NEMP2: variants seen among roughly 807,000 people sequenced by gnomAD.
NEMP2 encodes UPF0571 transmembrane protein.
A neutral mutation model predicts 54.2 loss-of-function variants in NEMP2; 53 were observed. That is an observed-to-expected ratio of 0.98 (90% confidence interval 0.78 to 1.23). The LOEUF is 1.23. Ranked by LOEUF, NEMP2 falls within the 50% of genes most tolerant of loss-of-function variation. The pLI is 0.00. For synonymous variants in NEMP2, 197 were observed against 190.3 expected (o/e 1.04, Z -0.29); for missense variants, 455 against 511.3 (o/e 0.89, Z 1.06).
chr2:190,620,527 A>C, the NEMP2 span: 1 of 152,220 alleles, frequency 6.6e-6, no homozygotes, highest in Non-Finnish European at 1.5e-5. This position sits in a 1 kb window ranked among gnomAD's most constrained non-coding sequence, Gnocchi z 4.9. Flanking sequence ...AAAGGACATA[A>C]AATCCCAAAT....
the NEMP2 span, among the ~76,000 whole-genome samples, chr2:190,646,114 T>C: frequency 2.7e-4 from 41 of 152,252 alleles, no homozygotes; most frequent in Admixed American, 6.5e-5. Flanking sequence ...AACTATTGCA[T>C]GGACGTTTAA....
At chr2:190,597,163 C>T in the NEMP2 span, among the ~76,000 whole-genome samples, 1 of 151,014 alleles carries the variant, frequency 6.6e-6, no homozygotes, top group East Asian at 2.0e-4. The surrounding 1 kb of genome is among the most constrained non-coding windows in gnomAD (Gnocchi z 4.7). Context: ...ACTGAGCAGG[C>T]TGAAGTAAGA....
At chr2:190,439,722 G>A in the NEMP2 span, among the ~76,000 whole-genome samples, 1 of 152,188 alleles carries the variant, frequency 6.6e-6, no homozygotes, top group African/African-American at 2.4e-5. This position sits in a 1 kb window ranked among gnomAD's most constrained non-coding sequence, Gnocchi z 5.8. Context: ...GAAGATGGCT[G>A]TTATGGTCAT....
At chr2:190,535,737 GT>G (rs1292069437), upstream of NEMP2, 2 of 152,212 alleles carry the variant, frequency 1.3e-5, no homozygotes, top group Non-Finnish European at 2.9e-5. Context: ...TGTACACCAT[GT>G]ATGGCTTTTA....
chr2:190,644,003 G>A, the NEMP2 span, among the ~76,000 whole-genome samples: 1 of 152,162 alleles, frequency 6.6e-6, no homozygotes. The surrounding 1 kb of genome is among the most constrained non-coding windows in gnomAD (Gnocchi z 4.4). Flanking sequence ...TCAAGGAAAT[G>A]TATTTAAAAG....
chr2:190,502,261 T>A (rs927627559), downstream of NEMP2: 4 of 152,176 alleles, frequency 2.6e-5, no homozygotes, highest in African/African-American at 9.7e-5. The surrounding 1 kb of genome is among the most constrained non-coding windows in gnomAD (Gnocchi z 4.4). Flanking sequence ...TTTCTTCCTG[T>A]CCCCAAAGTG....
the NEMP2 span, among the ~76,000 whole-genome samples, chr2:190,453,877 A>C: frequency 6.6e-6 from 1 of 152,198 alleles, no homozygotes; most frequent in Non-Finnish European, 1.5e-5. Context: ...CTTGACCAGC[A>C]AACAAATCAA....
At chr2:190,431,601 A>G in the NEMP2 span, among the ~76,000 whole-genome samples, 6 of 152,208 alleles carry the variant, frequency 3.9e-5, no homozygotes, top group East Asian at 1.9e-4. The surrounding 1 kb of genome is among the most constrained non-coding windows in gnomAD (Gnocchi z 4.4). Flanking sequence ...GGCACTTGGC[A>G]GGCTGAGGCA....
At chr2:190,536,974 T>C (rs1691397272), upstream of NEMP2, among the ~76,000 whole-genome samples, 1 of 152,144 alleles carries the variant, frequency 6.6e-6, no homozygotes, top group South Asian at 2.1e-4. Context: ...GTGATATCCA[T>C]CATTTGATCA....
At chr2:190,488,766 T>C in the NEMP2 span, 4 of 1,609,144 alleles carry the variant, frequency 2.5e-6, no homozygotes, top group African/African-American at 5.4e-5. The surrounding 1 kb of genome is among the most constrained non-coding windows in gnomAD (Gnocchi z 6.4). Context: ...TTCACCTGGG[T>C]TTGGGAAGAG....
the NEMP2 span, chr2:190,608,932 A>G: frequency 1.5e-4 from 23 of 152,224 alleles, no homozygotes; most frequent in African/African-American, 5.3e-4. The surrounding 1 kb of genome is among the most constrained non-coding windows in gnomAD (Gnocchi z 4.9). Flanking sequence ...AGGGTCTGGT[A>G]CTATCTGCAG....
the NEMP2 span, among the ~76,000 whole-genome samples, chr2:190,447,585 C>T: frequency 3.7e-4 from 57 of 152,268 alleles, no homozygotes; most frequent in Non-Finnish European, 6.8e-4. This position sits in a 1 kb window ranked among gnomAD's most constrained non-coding sequence, Gnocchi z 4.5. Flanking sequence ...CTTAGTGCCA[C>T]GTTTTAGGCA....
the NEMP2 span, among the ~76,000 whole-genome samples, chr2:190,575,602 G>A: frequency 6.6e-6 from 1 of 152,120 alleles, no homozygotes; most frequent in African/African-American, 2.4e-5. Flanking sequence ...GATATTGCTT[G>A]AAGGAAAGGT....
At chr2:190,470,476 C>G in the NEMP2 span, among the ~76,000 whole-genome samples, 1 of 152,142 alleles carries the variant, frequency 6.6e-6, no homozygotes, top group Admixed American at 6.5e-5. Context: ...GATTACTATT[C>G]AAAGCTCATT....
At position 190,510,430 on chromosome 2, in the gene NEMP2, A is replaced by G; in HGVS notation, c.1061T>C (p.Leu354Pro). The G allele has an allele frequency of 6.4e-7, 1 of 1,551,768 alleles. No individual in the cohort carries two copies. Among genetic ancestry groups the G allele is most frequent in the African/African-American group, 1.4e-5 (1 of 73,172 alleles). Residue 354 changes from leucine (L) to proline (P), a missense_variant, in exon 8 of 9, where the codon CTA (leucine) becomes CCA (proline). Transcript: ENST00000409150. The surrounding 1 kb of genome is among the most constrained non-coding windows in gnomAD (Gnocchi z 5.7). Reference sequence around the variant, plus strand: ...GTCGGGTTTTCGGCAGGCCCGGCGTAGCTCCTCCAGAGCACTGTTCGTTTC... The same window carrying G: ...GTCGGGTTTTCGGCAGGCCCGGCGTGGCTCCTCCAGAGCACTGTTCGTTTC... ...DAETNSALEE[L>P]RRACRKPDFP...
At chr2:190,552,351 G>A in the NEMP2 span, among the ~76,000 whole-genome samples, 1 of 152,088 alleles carries the variant, frequency 6.6e-6, no homozygotes, top group Non-Finnish European at 1.5e-5. Flanking sequence ...TTGTTAAGTA[G>A]TTACTCTGTT....
the NEMP2 span, among the ~76,000 whole-genome samples, chr2:190,581,599 T>C: frequency 3.9e-5 from 6 of 152,216 alleles, no homozygotes; most frequent in African/African-American, 1.2e-4. Flanking sequence ...CAAATTATAT[T>C]TCTTTTCTTA....
In NEMP2 at chr2:190,530,046, C is replaced by T. The variant is rs1490894533; in HGVS notation, c.97+4513G>A. The stretch of plus-strand genomic sequence containing the variant: ...AGAGGAGGTCAGAAAGAATAGGTGG[C>T]ATTAAGCTTCTTTTGTTTGACTCAT... On this transcript the variant is annotated intron_variant, in intron 1 of 8. Coordinates refer to ENST00000409150, the MANE Select transcript of NEMP2 (RefSeq NM_001142645.2). This position sits in a 1 kb window ranked among gnomAD's most constrained non-coding sequence, Gnocchi z 4.6. Among the ~76,000 whole-genome samples, 1 of 152,192 alleles carries T rather than the reference C, an allele frequency of 6.6e-6. No homozygotes were observed. Among genetic ancestry groups the T allele is most frequent in the Non-Finnish European group, 1.5e-5 (1 of 68,030 alleles).
At chr2:190,578,283 G>A in the NEMP2 span, among the ~76,000 whole-genome samples, 3 of 151,818 alleles carry the variant, frequency 2.0e-5, no homozygotes, top group Non-Finnish European at 4.4e-5. This position sits in a 1 kb window ranked among gnomAD's most constrained non-coding sequence, Gnocchi z 4.4. Flanking sequence ...AATTTAAGGA[G>A]GGAAAACAAG....
Sources: gnomAD v4.1 joint callset for allele counts (sites outside exome capture counted in the v4.1 genomes callset) on GRCh38, gnomAD v4.1.1 for gene constraint, Gnocchi (gnomAD v3.1) non-coding constraint, MANE v1.5 for transcripts, NCBI Gene and HGNC (gene_info 2026-07-23, HGNC 2026-07-21) for gene names.